Variants in ROBO2 observed in about 807,000 individuals in gnomAD.
ROBO2 encodes the protein roundabout guidance receptor 2, also known as roundabout homolog 2.
ROBO2 carries 53 observed loss-of-function variants against 160.8 expected under a neutral mutation model. That is an observed-to-expected ratio of 0.33 (90% CI 0.26 to 0.41). ROBO2 has a LOEUF of 0.41. ROBO2 is among the 10% of genes least tolerant of loss of function. The probability of loss-of-function intolerance (pLI) is 1.00; values close to 1 mark genes in which losing one functional copy is unlikely to be tolerated. For synonymous variants in ROBO2, 664 were observed against 611.7 expected, an observed-to-expected ratio of 1.09 and a Z score of -1.26; for missense variants, 1,577 against 1,722.4, an observed-to-expected ratio of 0.92 and a Z score of 1.49.
chr3:76,902,341 A>G (rs905985779), intron 2 of ROBO2, among the ~76,000 whole-genome samples: 6 of 152,016 alleles, frequency 3.9e-5, no homozygotes, highest in Non-Finnish European at 8.8e-5. Context: ...TTATTTGGCA[A>G]TGCTATGTAA....
At chr3:77,213,487 T>C (rs2084477964) in intron 2 of ROBO2, among the ~76,000 whole-genome samples, 2 of 152,126 alleles carry the variant, frequency 1.3e-5, no homozygotes, top group South Asian at 4.1e-4. Context: ...TTATTAGTCC[T>C]GCTAGCGGTC....
chr3:77,245,064 T>C (rs867077616), intron 2 of ROBO2, among the ~76,000 whole-genome samples: 1 of 152,108 alleles, frequency 6.6e-6, no homozygotes, highest in South Asian at 2.1e-4. Flanking sequence ...TGGCTAAAAG[T>C]AAAATGAACC....
intron 8 of ROBO2, among the ~76,000 whole-genome samples, chr3:77,556,160 A>G (rs2093113242): frequency 6.6e-6 from 1 of 151,840 alleles, no homozygotes; most frequent in Admixed American, 6.6e-5. Context: ...AAAATTACTC[A>G]TAGTGTTTTG....
intron 2 of ROBO2, among the ~76,000 whole-genome samples, chr3:76,961,449 A>G (rs1235026135): frequency 6.6e-6 from 1 of 152,114 alleles, no homozygotes; most frequent in Non-Finnish European, 1.5e-5. Context: ...AAGCCTGTCA[A>G]CCATAAGCTT....
chr3:76,361,232 T>A lies in ROBO2; in HGVS notation c.109+423630T>A, dbSNP rs115780446. 1.6e-3 allele frequency among the ~76,000 whole-genome samples: 251 copies of A among 152,224 alleles called. 1 individual carries two copies. Among genetic ancestry groups the A allele is most frequent in the African/African-American group, 5.8e-3 (242 of 41,566 alleles). ...ACCAGCAAGCAAGGGTAGCTTGGTC[T>A]ACTCAAGCCTCTGGCTTGAGCAACA... On this transcript the variant is annotated intron_variant, in intron 2 of 26. Coordinates refer to the ROBO2 transcript ENST00000487694.
intron 15 of ROBO2, 51 bp downstream of exon 16, chr3:77,577,665 A>G (rs941381468): frequency 1.2e-6 from 2 of 1,605,478 alleles, no homozygotes; most frequent in African/African-American, 2.7e-5. Flanking sequence ...TCCCAGAGAA[A>G]TCTCAGTGTC....
chr3:75,957,281 T>C (rs1260982164), intron 2 of ROBO2, among the ~76,000 whole-genome samples: 3 of 150,026 alleles, frequency 2.0e-5, no homozygotes, highest in African/African-American at 7.3e-5. Flanking sequence ...ACACATTAGG[T>C]TTTCATTTGG....
At chr3:76,588,216 G>A (rs1187742316) in intron 2 of ROBO2, among the ~76,000 whole-genome samples, 1 of 152,108 alleles carries the variant, frequency 6.6e-6, no homozygotes, top group Non-Finnish European at 1.5e-5. Context: ...CTATATATGA[G>A]TTTATAGCAG....
At chr3:77,334,719 G>A (rs376002413) in intron 2 of ROBO2, among the ~76,000 whole-genome samples, 5 of 145,334 alleles carry the variant, frequency 3.4e-5, no homozygotes, top group African/African-American at 1.2e-4. Context: ...GAAAACACAA[G>A]CTCTTTTTCA....
At chr3:76,751,037 T>A (rs1406084954) in intron 2 of ROBO2, among the ~76,000 whole-genome samples, 1 of 152,116 alleles carries the variant, frequency 6.6e-6, no homozygotes, top group Non-Finnish European at 1.5e-5. Context: ...GCTACCTGAC[T>A]TCAAACTATA....
At chr3:76,476,933 A>G (rs1020477145) in intron 2 of ROBO2, among the ~76,000 whole-genome samples, 1 of 152,152 alleles carries the variant, frequency 6.6e-6, no homozygotes, top group Non-Finnish European at 1.5e-5. Context: ...GCCGAGTGGC[A>G]TTGTTTGGTA....
intron 2 of ROBO2, among the ~76,000 whole-genome samples, chr3:76,493,783 C>T (rs1560040823): frequency 6.6e-6 from 1 of 152,126 alleles, no homozygotes; most frequent in Non-Finnish European, 1.5e-5. Context: ...CTGCGAGGCA[C>T]TGAATGCATC....
At chr3:76,610,840 C>T (rs116562178) in intron 2 of ROBO2, among the ~76,000 whole-genome samples, 1 of 152,200 alleles carries the variant, frequency 6.6e-6, no homozygotes, top group Non-Finnish European at 1.5e-5. Flanking sequence ...CGTTACAGCT[C>T]TTTTACTCTC....
rs1022635856 is a variant in ROBO2, at chr3:77,527,331, A to G, written c.934+4429A>G. 52 of 1,133,202 alleles carry G rather than the reference A, an allele frequency of 4.6e-5. No homozygotes were observed. In the African/African-American group the frequency reaches 8.3e-4, roughly 18 times the overall value. 70.2% of individuals were successfully genotyped at this position (1,133,202 alleles called of 1,614,324 possible). A position where few individuals can be genotyped will look rare whatever the true frequency, so the allele number is the denominator to read the frequency against. ...TTAAATGTAACATTACACATCATGCATTCTGATAATTTTTCTTTCTTTTTT... is the reference window on the plus strand; with the variant it reads ...TTAAATGTAACATTACACATCATGCGTTCTGATAATTTTTCTTTCTTTTTT... On this transcript the variant is annotated intron_variant, in intron 6 of 25. Transcript: ENST00000461745.
chr3:76,958,798 A>T (rs549291832), intron 2 of ROBO2, among the ~76,000 whole-genome samples: 1 of 152,326 alleles, frequency 6.6e-6, no homozygotes, highest in African/African-American at 2.4e-5. Flanking sequence ...AACAAAACAA[A>T]ACAAAAACAT....
intron 5 of ROBO2, among the ~76,000 whole-genome samples, chr3:77,511,687 G>A (rs1186823561): frequency 6.6e-6 from 1 of 151,924 alleles, no homozygotes; most frequent in Non-Finnish European, 1.5e-5. Flanking sequence ...TAGAATATGG[G>A]AAGTCAAGAG....
At chr3:76,687,204 T>G (rs2092703600) in intron 2 of ROBO2, among the ~76,000 whole-genome samples, 1 of 152,032 alleles carries the variant, frequency 6.6e-6, no homozygotes, top group Non-Finnish European at 1.5e-5. Flanking sequence ...AGCACAGAGG[T>G]CAATAATACA....
chr3:77,500,840 A>C (rs1331581754), intron 5 of ROBO2, among the ~76,000 whole-genome samples: 1 of 152,166 alleles, frequency 6.6e-6, no homozygotes, highest in African/African-American at 2.4e-5. Context: ...ATCTGTTAAG[A>C]ATCTCAGCTT....
At chr3:77,063,898 TTTGA>T (rs1232009091) in intron 1 of ROBO2, among the ~76,000 whole-genome samples, 1 of 152,328 alleles carries the variant, frequency 6.6e-6, no homozygotes, top group South Asian at 2.1e-4. Context: ...GTGTTCAAAG[TTTGA>T]TTGGGCAATT....
Sources: gnomAD v4.1 joint callset for allele counts (sites outside exome capture counted in the v4.1 genomes callset) on GRCh38, gnomAD v4.1.1 for gene constraint, MANE v1.5 for transcripts, NCBI Gene and HGNC (gene_info 2026-07-23, HGNC 2026-07-21) for gene names.